Variants in CHL1 observed in about 807,000 individuals in gnomAD.
The protein encoded by CHL1 is neural cell adhesion molecule L1-like protein.
A neutral mutation model predicts 141.9 loss-of-function variants in CHL1; 96 were observed. The ratio of observed to expected loss-of-function variants is 0.68; its 90% CI spans 0.57 to 0.80. The LOEUF (loss-of-function observed/expected upper bound fraction) is 0.80, where lower values mean the gene tolerates loss of function less well. Ranked by LOEUF, CHL1 falls within the 30% of genes least tolerant of loss-of-function variation. CHL1 has a pLI of 0.00. For synonymous variants in CHL1, 613 were observed against 502.2 expected (o/e 1.22, Z -2.95); for missense variants, 1,820 against 1,457.2 (o/e 1.25, Z -4.05).
chr3:335,691 A>G (rs1701810350), intron 5 of CHL1, among the ~76,000 whole-genome samples: 1 of 152,238 alleles, frequency 6.6e-6, no homozygotes, highest in African/African-American at 2.4e-5. Context: ...AAATAATTCA[A>G]TAAACACATC....
intron 2 of CHL1, among the ~76,000 whole-genome samples, chr3:295,377 C>G (rs1698093110): frequency 6.6e-6 from 1 of 152,094 alleles, no homozygotes; most frequent in Non-Finnish European, 1.5e-5. Context: ...CATTGCTTAC[C>G]CTTTGACTAA....
At chr3:213,592 G>C (rs1028170770) in intron 1 of CHL1, 3 of 152,138 alleles carry the variant, frequency 2.0e-5, no homozygotes, top group African/African-American at 4.8e-5. Flanking sequence ...TCTAATTAAA[G>C]AACTCACTCA....
intron 1 of CHL1, among the ~76,000 whole-genome samples, chr3:232,867 TTC>T (rs1202778904): frequency 6.6e-6 from 1 of 152,144 alleles, no homozygotes; most frequent in Non-Finnish European, 1.5e-5. Flanking sequence ...GTCTAGAATT[TTC>T]TCTGTTACTC....
Position 349,511 on chromosome 3 carries a change from C to A in CHL1, c.1001C>A (p.Thr334Lys), listed in dbSNP as rs200503557. The A allele has an allele frequency of 5.0e-5, 80 of 1,613,774 alleles. No homozygotes were observed. The African/African-American group carries it at 8.9e-4, about 18-fold the overall frequency. ...YRCTASNFLG[T>K]ATHDFHVIVE... is the part of the protein sequence containing the mutation. The stretch of plus-strand genomic sequence containing the variant: ...TGCACAGCCAGCAATTTCTTGGGAA[C>A]AGCCACTCACGATTTTCACGTTATA... Residue 334 changes from threonine to lysine, a missense_variant, in exon 10 of 28, where the codon ACA becomes AAA. Transcript: ENST00000256509.
At chr3:292,986 G>A (rs1418960959) in intron 2 of CHL1, among the ~76,000 whole-genome samples, 2 of 152,192 alleles carry the variant, frequency 1.3e-5, no homozygotes, top group Non-Finnish European at 2.9e-5. Context: ...GTGAACTACC[G>A]AAGCTTTTTA....
chr3:315,310 C>T (rs974200987), intron 2 of CHL1, among the ~76,000 whole-genome samples: 2 of 152,090 alleles, frequency 1.3e-5, no homozygotes, highest in African/African-American at 4.8e-5. Flanking sequence ...GGCTTTGAAC[C>T]CAGGTCATAC....
At chr3:388,306 G>A (rs539704066) in intron 19 of CHL1, among the ~76,000 whole-genome samples, 225 of 152,330 alleles carry the variant, frequency 1.5e-3, no homozygotes, top group African/African-American at 5.1e-3. Context: ...CCAGCACTCT[G>A]GGAGGCCGAG....
chr3:371,833 T>C (rs139582532), intron 15 of CHL1, among the ~76,000 whole-genome samples: 3,224 of 152,276 alleles, frequency 0.021, 67 homozygotes, highest in African/African-American at 0.059. Flanking sequence ...TTTGCTTGTC[T>C]GGAAAGGATT....
chr3:270,625 A>C (rs1469156787), intron 2 of CHL1, among the ~76,000 whole-genome samples: 2 of 152,216 alleles, frequency 1.3e-5, no homozygotes, highest in Non-Finnish European at 2.9e-5. Flanking sequence ...AAAATTACCC[A>C]AAATTTGGTG....
At chr3:298,687 C>G (rs541395870) in intron 2 of CHL1, among the ~76,000 whole-genome samples, 1 of 152,250 alleles carries the variant, frequency 6.6e-6, no homozygotes, top group Non-Finnish European at 1.5e-5. Flanking sequence ...GGAGATTTGA[C>G]TGGGCTACCT....
At chr3:224,830 GA>G (rs1167755574) in intron 1 of CHL1, among the ~76,000 whole-genome samples, 4 of 152,162 alleles carry the variant, frequency 2.6e-5, no homozygotes, top group Non-Finnish European at 5.9e-5. Context: ...TAGAAAAGTG[GA>G]AAATATCAAT....
chr3:274,378 G>C (rs1234305722), intron 2 of CHL1, among the ~76,000 whole-genome samples: 1 of 152,098 alleles, frequency 6.6e-6, no homozygotes, highest in East Asian at 1.9e-4. Context: ...ATTTTAATAG[G>C]AATGTGTTTG....
rs1387861025 is a variant in CHL1, at chr3:271,571, A to G, written c.-95+26879A>G. ...GCAAGATATAATGAAGAAGATTTGT[A>G]TATTGGAAGCTTTCATTTATGGTTG... On this transcript the variant is annotated intron_variant, in intron 2 of 27. Transcript: ENST00000256509. 2.6e-5 allele frequency among the ~76,000 whole-genome samples: 4 copies of G among 152,340 alleles called. No individual in the cohort carries two copies. In the South Asian group the frequency reaches 6.2e-4, roughly 24 times the overall value.
chr3:402,171 A>G (rs562406163), intron 27 of CHL1, among the ~76,000 whole-genome samples: 170 of 152,382 alleles, frequency 1.1e-3, no homozygotes, highest in African/African-American at 3.8e-3. Flanking sequence ...AAATAGAATA[A>G]AAGAGCACAA....
intron 20 of CHL1, among the ~76,000 whole-genome samples, chr3:390,291 C>G (rs934369889): frequency 7.2e-5 from 11 of 152,206 alleles, no homozygotes; most frequent in African/African-American, 2.7e-4. Context: ...TTGTATGAAC[C>G]AATTTAGGTA....
intron 1 of CHL1, among the ~76,000 whole-genome samples, chr3:206,414 C>T (rs1699450447): frequency 6.6e-6 from 1 of 151,720 alleles, no homozygotes; most frequent in African/African-American, 2.4e-5. Flanking sequence ...TGCAGTGAGC[C>T]TAGATCGCAC....
At chr3:308,362 T>C (rs1188504426) in intron 2 of CHL1, among the ~76,000 whole-genome samples, 1 of 152,220 alleles carries the variant, frequency 6.6e-6, no homozygotes, top group South Asian at 2.1e-4. Context: ...CCTACAAATA[T>C]GTAGACAAGG....
At chr3:256,128 G>GGAGGTTACATATTCTAAGCGAAGTAAC (rs1160571375) in intron 2 of CHL1, among the ~76,000 whole-genome samples, 1 of 152,150 alleles carries the variant, frequency 6.6e-6, no homozygotes, top group East Asian at 1.9e-4. Flanking sequence ...AGCGAAGTAA[G>GGAGGTTACATATTCTAAGCGAAGTAAC]GAGGTTTCAT....
At chr3:361,836 T>C in intron 13 of CHL1, 26 bp downstream of exon 13, 1 of 1,399,760 alleles carries the variant, frequency 7.1e-7, no homozygotes, top group Non-Finnish European at 1.0e-6. Context: ...ATGGTTTTCT[T>C]AAGAGAATGT....
Sources: gnomAD v4.1 joint callset for allele counts (sites outside exome capture counted in the v4.1 genomes callset) on GRCh38, gnomAD v4.1.1 for gene constraint, MANE v1.5 for transcripts, NCBI Gene and HGNC (gene_info 2026-07-23, HGNC 2026-07-21) for gene names.